The following ROR1 variants were observed in gnomAD, a reference collection of about 807,000 sequenced individuals.
ROR1 encodes ROR family WNT receptor 1.
Under a neutral mutation model 78.8 loss-of-function variants are expected in ROR1, and 19 were observed. The observed-to-expected ratio is 0.24, with a 90% CI of 0.17 to 0.35. The LOEUF (loss-of-function observed/expected upper bound fraction) is 0.35, where lower values mean the gene tolerates loss of function less well. Among genes scored for constraint, ROR1 ranks in the 10% least tolerant of loss-of-function variants. ROR1 has a pLI of 1.00. For missense variants in ROR1, 917 were observed against 1,177.8 expected, an observed-to-expected ratio of 0.78 and a Z score of 3.24; for synonymous variants, 386 against 433.6, an observed-to-expected ratio of 0.89 and a Z score of 1.36.
chr1:63,871,793 C>T (rs1645253123), intron 1 of ROR1, among the ~76,000 whole-genome samples: 1 of 152,156 alleles, frequency 6.6e-6, no homozygotes, highest in Non-Finnish European at 1.5e-5. Context: ...GGGTTTACAC[C>T]AACATGGAAG....
At position 63,794,820 on chromosome 1, in the gene ROR1, C is replaced by T. The variant is rs766264496; in HGVS notation, c.91+20312C>T. Among the ~76,000 whole-genome samples, 8 of 152,226 alleles carry T rather than the reference C, an allele frequency of 5.3e-5. No homozygotes were observed. In the East Asian group the frequency reaches 1.3e-3, roughly 26 times the overall value. On this transcript the variant is annotated intron_variant, in intron 1 of 8. Transcript: ENST00000371079. ...ATTTTGTAAGTCCTGACTGTATGCCCGGGACTGTGCTGGGATACACAGGGT... is the reference window on the plus strand; with the variant it reads ...ATTTTGTAAGTCCTGACTGTATGCCTGGGACTGTGCTGGGATACACAGGGT...
At chr1:63,933,924 T>G (rs932315025) in intron 1 of ROR1, among the ~76,000 whole-genome samples, 2 of 152,150 alleles carry the variant, frequency 1.3e-5, no homozygotes, top group African/African-American at 4.8e-5. Context: ...TTCTGCACAA[T>G]GAGCCACAGT....
At chr1:63,973,320 T>TTG (rs1287754965) in intron 1 of ROR1, among the ~76,000 whole-genome samples, 1 of 152,192 alleles carries the variant, frequency 6.6e-6, no homozygotes, top group Non-Finnish European at 1.5e-5. Context: ...ACGCTCCCCC[T>TTG]GGGCTGCCCA....
At chr1:63,913,340 G>C (rs1288441844) in intron 1 of ROR1, among the ~76,000 whole-genome samples, 1 of 151,814 alleles carries the variant, frequency 6.6e-6, no homozygotes, top group African/African-American at 2.4e-5. Flanking sequence ...TTTTCTGGGA[G>C]AAAAATAAAT....
intron 7 of ROR1, among the ~76,000 whole-genome samples, chr1:64,147,890 G>T (rs1410629568): frequency 6.6e-6 from 1 of 152,082 alleles, no homozygotes; most frequent in Non-Finnish European, 1.5e-5. Flanking sequence ...GAGAGATTTT[G>T]GTTATCACAA....
intron 4 of ROR1, among the ~76,000 whole-genome samples, chr1:64,098,578 T>C (rs1486058679): frequency 6.6e-6 from 1 of 152,140 alleles, no homozygotes; most frequent in Non-Finnish European, 1.5e-5. Flanking sequence ...GACCTGGCTT[T>C]GGTATGAGTC....
chr1:63,946,729 CT>C (rs1645892669), intron 1 of ROR1, among the ~76,000 whole-genome samples: 1 of 152,186 alleles, frequency 6.6e-6, no homozygotes, highest in Non-Finnish European at 1.5e-5. Flanking sequence ...CCTCTTTCTT[CT>C]ACATCCAGGC....
At chr1:64,085,812 C>CA (rs780671380) in intron 4 of ROR1, among the ~76,000 whole-genome samples, 1 of 152,000 alleles carries the variant, frequency 6.6e-6, no homozygotes, top group Non-Finnish European at 1.5e-5. Flanking sequence ...TAATAAAAAC[C>CA]ATGTGCTCAG....
At chr1:64,097,755 C>T (rs1364706430) in intron 4 of ROR1, among the ~76,000 whole-genome samples, 3 of 152,006 alleles carry the variant, frequency 2.0e-5, no homozygotes, top group Non-Finnish European at 4.4e-5. Flanking sequence ...TTTCCAAACC[C>T]AGTGTTCTCA....
chr1:63,843,383 G>T (rs1308716762), intron 1 of ROR1: 5 of 780,124 alleles, frequency 6.4e-6, no homozygotes, highest in Non-Finnish European at 1.1e-5. Context: ...GGACCCAGAA[G>T]ATAAACACCA....
At position 63,965,333 on chromosome 1, in the gene ROR1, C is replaced by G. The variant is rs186974672; in HGVS notation, c.92-43972C>G. Among the ~76,000 whole-genome samples, 111 of 152,244 alleles carry G rather than the reference C, an allele frequency of 7.3e-4. 1 individual carries two copies. The highest frequency in any genetic ancestry group is 1.3e-3 in the Non-Finnish European group (90 of 68,016). On this transcript the variant is annotated intron_variant, in intron 1 of 8. Coordinates refer to ENST00000371079, the MANE Select transcript of ROR1 (RefSeq NM_005012.4). ...TGAGGCTGGACCAGAAGAGTGAGAC[C>G]ACCTTGCTTCTCGGCACTTGCTCAT...
At chr1:64,125,872 C>T (rs778192463) in intron 4 of ROR1, among the ~76,000 whole-genome samples, 4 of 152,084 alleles carry the variant, frequency 2.6e-5, no homozygotes, top group Non-Finnish European at 4.4e-5. Flanking sequence ...CTTCTACAAA[C>T]CAAGTTATAT....
chr1:63,954,098 A>C (rs953084574), intron 1 of ROR1, among the ~76,000 whole-genome samples: 1 of 152,220 alleles, frequency 6.6e-6, no homozygotes, highest in Admixed American at 6.5e-5. Context: ...GGTTGCTATA[A>C]CAAAGACTCC....
chr1:63,915,011 A>G (rs1645598465), intron 1 of ROR1, among the ~76,000 whole-genome samples: 1 of 152,212 alleles, frequency 6.6e-6, no homozygotes, highest in Admixed American at 6.5e-5. Flanking sequence ...CACTGTGTTC[A>G]TAGCTACCCT....
At chr1:63,964,735 C>T (rs1474054065) in intron 1 of ROR1, among the ~76,000 whole-genome samples, 2 of 152,170 alleles carry the variant, frequency 1.3e-5, no homozygotes, top group Non-Finnish European at 2.9e-5. Context: ...TTTGATGGCA[C>T]ACCATGTGCT....
intron 4 of ROR1, among the ~76,000 whole-genome samples, chr1:64,062,576 G>C (rs1302278829): frequency 6.6e-6 from 1 of 152,182 alleles, no homozygotes; most frequent in Admixed American, 6.5e-5. Context: ...CTCCCAAAGT[G>C]CTGGGATTAC....
At chr1:63,865,551 CT>C (rs1041712646) in intron 1 of ROR1, among the ~76,000 whole-genome samples, 5 of 151,982 alleles carry the variant, frequency 3.3e-5, no homozygotes, top group South Asian at 4.2e-4. Flanking sequence ...TTGTGGAGTC[CT>C]TTTTTTTCCC....
At position 63,861,305 on chromosome 1, in the gene ROR1, T is replaced by A. The variant is rs575082825; in HGVS notation, c.91+86797T>A. Among the ~76,000 whole-genome samples the A allele has an allele frequency of 2.1e-3, 324 of 152,338 alleles. 1 individual carries two copies. The highest frequency in any genetic ancestry group is 7.5e-3 in the African/African-American group (311 of 41,586). ...CAGAACTTTTATTTTTATGGTTCTC[T>A]TGAGTTTGGGGAGAAATAATTAAAT... On this transcript the variant is annotated intron_variant, in intron 1 of 8. Coordinates refer to ENST00000371079, the MANE Select transcript of ROR1 (RefSeq NM_005012.4).
rs986523165 is a variant in ROR1, at chr1:63,866,448, T to C, written c.91+91940T>C. ...CATCTCCCCAAATGACTTGGAATGT[T>C]ACATCCACTTGATCATCTTGAATAA... On this transcript the variant is annotated intron_variant, in intron 1 of 8. Transcript: ENST00000371079. 2.0e-5 allele frequency among the ~76,000 whole-genome samples: 3 copies of C among 152,328 alleles called. No individual in the cohort carries two copies. In the East Asian group the frequency reaches 5.8e-4, roughly 29 times the overall value.
Sources: gnomAD v4.1 joint callset for allele counts (sites outside exome capture counted in the v4.1 genomes callset) on GRCh38, gnomAD v4.1.1 for gene constraint, MANE v1.5 for transcripts, NCBI Gene and HGNC (gene_info 2026-07-23, HGNC 2026-07-21) for gene names.